KCNMA1: variants seen among roughly 807,000 people sequenced by gnomAD.
KCNMA1 encodes the protein Calcium-activated potassium channel subunit alpha-1.
A neutral mutation model predicts 140.0 loss-of-function variants in KCNMA1; 29 were observed. The ratio of observed to expected loss-of-function variants is 0.21; its 90% CI spans 0.15 to 0.28. KCNMA1 has a LOEUF of 0.28. KCNMA1 is among the 10% of genes least tolerant of loss of function. KCNMA1 has a pLI of 1.00. For missense variants in KCNMA1, 880 were observed against 1,602.2 expected (o/e 0.55, Z 7.70); for synonymous variants, 612 against 611.9 (o/e 1.00, Z 0.00).
At chr10:77,315,593 G>A (rs2080637149) in intron 2 of KCNMA1, 1 of 152,138 alleles carries the variant, frequency 6.6e-6, no homozygotes, top group Non-Finnish European at 1.5e-5. Context: ...CAATTTACTG[G>A]AGACATAATC....
At chr10:76,970,363 C>G (rs982942838) in intron 19 of KCNMA1, 8 of 349,634 alleles carry the variant, frequency 2.3e-5, no homozygotes, top group Non-Finnish European at 4.3e-5. Flanking sequence ...CATGATTTAT[C>G]TGTATACCAA....
intron 16 of KCNMA1, among the ~76,000 whole-genome samples, chr10:77,024,648 T>C (rs2093224892): frequency 6.6e-6 from 1 of 151,924 alleles, no homozygotes; most frequent in African/African-American, 2.4e-5. Flanking sequence ...AATCACATGG[T>C]GAAAATTGAG....
At chr10:77,253,082 T>C (rs2060000843) in intron 2 of KCNMA1, among the ~76,000 whole-genome samples, 1 of 152,134 alleles carries the variant, frequency 6.6e-6, no homozygotes, top group East Asian at 1.9e-4. Context: ...CTCTATTATC[T>C]AAAGGAGGCA....
At position 77,637,269 on chromosome 10, in the gene KCNMA1, G is replaced by A. The variant is rs2154572092; in HGVS notation, c.374C>T (p.Thr125Met). Reference sequence around the variant, plus strand: ...GGCGCCCGGGGCGCGCGTTACCTTCGTCTTGCCCCCGCAGTGGCAGCACAC... The same window carrying A: ...GGCGCCCGGGGCGCGCGTTACCTTCATCTTGCCCCCGCAGTGGCAGCACAC... ...WTVCCHCGGK[T>M]KEAQKINNGS... Residue 125 changes from threonine to methionine, a missense_variant, in exon 1 of 28, where the codon ACG (threonine) becomes ATG (methionine). Physicochemically the swap from Thr to Met is moderately conservative, Grantham distance 81. Around this residue, in one of 13 missense-constraint regions of KCNMA1, gnomAD observed 54 missense variants for 56.4 expected, o/e 0.96. Coordinates refer to ENST00000286628, the MANE Select transcript of KCNMA1 (RefSeq NM_001161352.2). The A allele has an allele frequency of 1.2e-6, 2 of 1,606,528 alleles. No homozygotes were observed. Among genetic ancestry groups the A allele is most frequent in the Non-Finnish European group, 1.7e-6 (2 of 1,175,210 alleles).
chr10:77,554,550 T>C (rs2063661787), intron 1 of KCNMA1, among the ~76,000 whole-genome samples: 1 of 135,630 alleles, frequency 7.4e-6, no homozygotes, highest in Admixed American at 8.4e-5. Flanking sequence ...TGAGCCGAGA[T>C]TGCACCACTG....
chr10:77,421,049 C>T (rs756555307), intron 1 of KCNMA1, among the ~76,000 whole-genome samples: 15 of 152,246 alleles, frequency 9.9e-5, no homozygotes, highest in Admixed American at 2.0e-4. Context: ...GCATGGCCGT[C>T]GAAGATGCTC....
At chr10:77,267,067 G>A (rs1395499574) in intron 2 of KCNMA1, among the ~76,000 whole-genome samples, 1 of 152,160 alleles carries the variant, frequency 6.6e-6, no homozygotes, top group Non-Finnish European at 1.5e-5. Flanking sequence ...GCAGGCTGTG[G>A]AGTCTAGGGG....
chr10:77,440,020 C>T lies in KCNMA1; in HGVS notation c.379-35997G>A, dbSNP rs548200737. On this transcript the variant is annotated intron_variant, in intron 1 of 27. Coordinates refer to ENST00000286628, the MANE Select transcript of KCNMA1 (RefSeq NM_001161352.2). ...CCTATGAAAGGCCTTGGGGCCAGGG[C>T]GGGGGCTGGGAGTGCTGGACTCTCA... Among the ~76,000 whole-genome samples the T allele has an allele frequency of 5.3e-5, 8 of 152,258 alleles. No homozygotes were observed. In the East Asian group the frequency reaches 5.8e-4, roughly 11 times the overall value.
At chr10:77,278,877 A>G (rs2067490110) in intron 2 of KCNMA1, among the ~76,000 whole-genome samples, 1 of 152,214 alleles carries the variant, frequency 6.6e-6, no homozygotes, top group African/African-American at 2.4e-5. Context: ...TGGAGTAGAC[A>G]CTGTATTACA....
At chr10:77,104,359 T>G (rs1221654799) in intron 9 of KCNMA1, among the ~76,000 whole-genome samples, 1 of 152,198 alleles carries the variant, frequency 6.6e-6, no homozygotes, top group African/African-American at 2.4e-5. Context: ...AGAGACGGGT[T>G]AGTCCATGAC....
chr10:77,553,974 C>CTT (rs112324832), intron 1 of KCNMA1, among the ~76,000 whole-genome samples: 19 of 147,300 alleles, frequency 1.3e-4, no homozygotes, highest in African/African-American at 1.7e-4. Context: ...CAGGGATCGA[C>CTT]TTTTTTTTTT....
chr10:77,001,647 AG>A, intron 18 of KCNMA1, 67 bp from the exon 19 acceptor site: 1 of 1,350,748 alleles, frequency 7.4e-7, no homozygotes, highest in East Asian at 2.5e-5. Flanking sequence ...ACACACAGCA[AG>A]GCAGCTGGAA....
chr10:77,414,787 G>C (rs891507058), intron 1 of KCNMA1, among the ~76,000 whole-genome samples: 12 of 152,182 alleles, frequency 7.9e-5, no homozygotes, highest in African/African-American at 2.2e-4. Context: ...ACCACGCCTG[G>C]CTGCAAGGTA....
chr10:77,220,003 A>G lies in KCNMA1; in HGVS notation c.602+31192T>C, dbSNP rs2154188048. Among the ~76,000 whole-genome samples, 4 of 152,324 alleles carry G rather than the reference A, an allele frequency of 2.6e-5. 1 individual carries two copies. In the South Asian group the frequency reaches 8.3e-4, roughly 32 times the overall value. On this transcript the variant is annotated intron_variant, in intron 3 of 27. Coordinates refer to ENST00000286628, the MANE Select transcript of KCNMA1 (RefSeq NM_001161352.2). ...TCCACAAGTGGAGACCTTGAAACTT[A>G]GAGAGCTTAAATAATAATAATAACT...
intron 1 of KCNMA1, among the ~76,000 whole-genome samples, chr10:77,608,130 C>T (rs551703107): frequency 6.6e-6 from 1 of 152,206 alleles, no homozygotes; most frequent in South Asian, 2.1e-4. Flanking sequence ...CTCTGCACGT[C>T]CCCCTGCACC....
chr10:77,430,928 G>A (rs1205875086), intron 1 of KCNMA1, among the ~76,000 whole-genome samples: 5 of 152,074 alleles, frequency 3.3e-5, no homozygotes, highest in East Asian at 1.9e-4. Flanking sequence ...TTCACAGATC[G>A]TCACCAACAC....
At chr10:77,586,937 A>G (rs1176523614) in intron 1 of KCNMA1, 1 of 152,196 alleles carries the variant, frequency 6.6e-6, no homozygotes, top group African/African-American at 2.4e-5. Context: ...TACTCCAGCT[A>G]GAAAGAGCTC....
chr10:77,313,365 A>C (rs2079866662), intron 2 of KCNMA1, among the ~76,000 whole-genome samples: 1 of 152,182 alleles, frequency 6.6e-6, no homozygotes, highest in South Asian at 2.1e-4. Context: ...TAAGAGGAGC[A>C]CTTCTCTTCC....
intron 12 of KCNMA1, among the ~76,000 whole-genome samples, chr10:77,079,922 G>A (rs556422314): frequency 3.9e-5 from 6 of 152,286 alleles, no homozygotes; most frequent in Admixed American, 1.3e-4. Flanking sequence ...CTTGGAATAT[G>A]TTCATAGTGA....
Sources: allele counts gnomAD v4.1 joint callset (sites outside exome capture counted in the v4.1 genomes callset), GRCh38; gene constraint gnomAD v4.1.1; regional missense constraint gnomAD v4.1.1; transcripts MANE v1.5; gene names NCBI Gene and HGNC (gene_info 2026-07-23, HGNC 2026-07-21).